The following PRPSAP2 variants were observed in gnomAD, a reference collection of about 807,000 sequenced individuals.
PRPSAP2 encodes phosphoribosyl pyrophosphate synthase-associated protein 2.
A neutral mutation model predicts 40.6 loss-of-function variants in PRPSAP2; 24 were observed. That is an observed-to-expected ratio of 0.59 (90% confidence interval 0.43 to 0.83). PRPSAP2 has a LOEUF of 0.83. Among genes scored for constraint, PRPSAP2 ranks in the 40% least tolerant of loss-of-function variants. PRPSAP2 has a pLI of 0.00. For synonymous variants in PRPSAP2, 149 were observed against 164.7 expected (o/e 0.90, Z 0.73); for missense variants, 292 against 465.6 (o/e 0.63, Z 3.43).
intron 7 of PRPSAP2, among the ~76,000 whole-genome samples, chr17:18,885,020 C>T (rs1032467223): frequency 1.3e-5 from 2 of 152,260 alleles, no homozygotes; most frequent in East Asian, 1.9e-4. Context: ...GGAAGCCTAA[C>T]GCTAGTCATT....
chr17:18,924,078 C>A, intron 10 of PRPSAP2, 94 bp downstream of exon 10: 1 of 1,288,802 alleles, frequency 7.8e-7, no homozygotes, highest in South Asian at 1.4e-5. Flanking sequence ...GACTCACTGT[C>A]GCCCAGGCTG....
chr17:18,922,320 G>A lies in PRPSAP2; in HGVS notation c.734-1594G>A, dbSNP rs1056712162. Among the ~76,000 whole-genome samples the A allele has an allele frequency of 6.6e-5, 10 of 152,142 alleles. No individual in the cohort carries two copies. In the East Asian group the frequency reaches 7.7e-4, roughly 12 times the overall value. Reference sequence around the variant, plus strand: ...CTATACCTGGTATCGGAATTGCTGCGTCACTTGGTGTATGTTTAACTTTTT... The same window carrying A: ...CTATACCTGGTATCGGAATTGCTGCATCACTTGGTGTATGTTTAACTTTTT... On this transcript the variant is annotated intron_variant, in intron 9 of 11. Transcript: ENST00000268835.
At chr17:18,871,121 G>A (rs2037830198) in intron 4 of PRPSAP2, among the ~76,000 whole-genome samples, 1 of 152,138 alleles carries the variant, frequency 6.6e-6, no homozygotes, top group South Asian at 2.1e-4. Context: ...CCAGGTTCAA[G>A]CAGTTCTCCT....
rs1317812916 is a variant in PRPSAP2, at chr17:18,911,410, C to A, written c.733+159C>A. ...ATAGTAGCGAATGCATTTCTGATTA[C>A]CTTGTAAATTGTAAGGCCGTTTAGA... On this transcript the variant is annotated intron_variant, in intron 9 of 11. Coordinates refer to ENST00000268835, the MANE Select transcript of PRPSAP2 (RefSeq NM_002767.4). The surrounding 1 kb of genome is among the most constrained non-coding windows in gnomAD (Gnocchi z 4.5). 6.6e-6 allele frequency among the ~76,000 whole-genome samples: 1 copy of A among 151,900 alleles called. No individual in the cohort carries two copies. Among genetic ancestry groups the A allele is most frequent in the Non-Finnish European group, 1.5e-5 (1 of 67,990 alleles).
At chr17:18,929,908 G>T (rs1318468540) in intron 11 of PRPSAP2, 1 of 152,170 alleles carries the variant, frequency 6.6e-6, no homozygotes, top group Non-Finnish European at 1.5e-5. Flanking sequence ...GTAACTTCAT[G>T]TTTAAACTTT....
intron 6 of PRPSAP2, among the ~76,000 whole-genome samples, chr17:18,878,272 G>A (rs188045375): frequency 2.5e-3 from 373 of 152,210 alleles, no homozygotes; most frequent in Middle Eastern, 0.01. Context: ...AGCAGCTCAC[G>A]CCTGCAATCC....
At chr17:18,886,598 T>C (rs954873623) in intron 7 of PRPSAP2, among the ~76,000 whole-genome samples, 1 of 151,986 alleles carries the variant, frequency 6.6e-6, no homozygotes, top group Non-Finnish European at 1.5e-5. Context: ...GACCTAATGA[T>C]CTGCCCGCCT....
At chr17:18,892,688 A>AGTGTGTGTGTGTGTGTGTGTGTGTGT (rs3043879) in intron 8 of PRPSAP2, among the ~76,000 whole-genome samples, 1 of 75,382 alleles carries the variant, frequency 1.3e-5, no homozygotes, top group Non-Finnish European at 2.8e-5. Flanking sequence ...CAGCCTGTTG[A>AGTGTGTGTGTGTGTGTGTGTGTGTGT]GTGTGTGTGT....
intron 1 of PRPSAP2, among the ~76,000 whole-genome samples, chr17:18,862,823 A>G (rs903111360): frequency 7.0e-5 from 10 of 142,062 alleles, no homozygotes; most frequent in South Asian, 2.2e-4. Context: ...TTATTTATTT[A>G]TTTATTTATT....
At chr17:18,913,247 A>G (rs2041070965) in intron 9 of PRPSAP2, among the ~76,000 whole-genome samples, 1 of 152,194 alleles carries the variant, frequency 6.6e-6, no homozygotes, top group South Asian at 2.1e-4. Context: ...GGGTAGAGGT[A>G]GATGTGCCCC....
At chr17:18,856,314 A>T (rs918977244), upstream of PRPSAP2, 2 of 152,090 alleles carry the variant, frequency 1.3e-5, no homozygotes, top group African/African-American at 2.4e-5. Context: ...CCAACATGTG[A>T]CGCGTGGAAT....
intron 8 of PRPSAP2, among the ~76,000 whole-genome samples, chr17:18,896,580 C>CTTTTT (rs58391876): frequency 1.3e-3 from 140 of 104,738 alleles, no homozygotes; most frequent in Non-Finnish European, 1.6e-3. Context: ...CCAGATTTTC[C>CTTTTT]TTTTTTTTTT....
chr17:18,911,057 C>G lies in PRPSAP2; in HGVS notation c.585-46C>G, dbSNP rs776079785. 1 of 1,559,256 alleles carries G rather than the reference C, an allele frequency of 6.4e-7. No individual in the cohort carries two copies. Among genetic ancestry groups the G allele is most frequent in the East Asian group, 2.3e-5 (1 of 44,070 alleles). ...TTTGTCCCCTAGGCATTAGCAGAAC[C>G]AAGGGCTGCATGAGTTTTGAGCTTG... On this transcript the variant is annotated intron_variant, in intron 8 of 11. Transcript: ENST00000268835. The surrounding 1 kb of genome is among the most constrained non-coding windows in gnomAD (Gnocchi z 4.5).
At chr17:18,924,109 G>A (rs2041842352) in intron 10 of PRPSAP2, 125 bp downstream of exon 10, 3 of 843,724 alleles carry the variant, frequency 3.6e-6, no homozygotes, top group East Asian at 2.8e-5. Flanking sequence ...GCACAATCTC[G>A]GCTCACTGCA....
At chr17:18,881,384 C>T (rs1214324759) in intron 6 of PRPSAP2, among the ~76,000 whole-genome samples, 9 of 151,612 alleles carry the variant, frequency 5.9e-5, no homozygotes, top group Admixed American at 1.3e-4. Context: ...ATTATGGGCA[C>T]GTGCCACCAT....
chr17:18,917,510 A>G (rs981866709), intron 9 of PRPSAP2: 3 of 144,336 alleles, frequency 2.1e-5, no homozygotes, highest in African/African-American at 7.7e-5. Context: ...GGTAGCTGGG[A>G]CTACCGGTAC....
chr17:18,896,581 T>C (rs777411271), intron 8 of PRPSAP2, among the ~76,000 whole-genome samples: 1,851 of 27,672 alleles, frequency 0.067, 23 homozygotes, highest in Non-Finnish European at 0.14. Flanking sequence ...CAGATTTTCC[T>C]TTTTTTTTTT....
intron 8 of PRPSAP2, chr17:18,908,277 A>C: frequency 1.3e-6 from 1 of 771,410 alleles, no homozygotes; most frequent in Non-Finnish European, 2.4e-6. Context: ...CTTTCGCAGC[A>C]CGCCAAGGAC....
chr17:18,871,933 T>C (rs2037913644), intron 4 of PRPSAP2, among the ~76,000 whole-genome samples: 2 of 152,162 alleles, frequency 1.3e-5, no homozygotes, highest in Admixed American at 1.3e-4. Flanking sequence ...GTGCTGGGAT[T>C]ACAGGCATGA....
Sources: allele counts gnomAD v4.1 joint callset (sites outside exome capture counted in the v4.1 genomes callset), GRCh38; gene constraint gnomAD v4.1.1; non-coding constraint Gnocchi (gnomAD v3.1); transcripts MANE v1.5; gene names NCBI Gene and HGNC (gene_info 2026-07-23, HGNC 2026-07-21).